ZNF251: variants seen among roughly 807,000 people sequenced by gnomAD.
The protein encoded by ZNF251 is zinc finger protein 251.
Under a neutral mutation model 13.5 loss-of-function variants are expected in ZNF251, and 14 were observed. The observed-to-expected ratio is 1.04, with a 90% CI of 0.69 to 1.63. ZNF251 has a LOEUF of 1.63. ZNF251 is among the 40% of genes most tolerant of loss of function. ZNF251 has a pLI of 0.00. For missense variants in ZNF251, 764 were observed against 834.9 expected (o/e 0.92, Z 1.05); for synonymous variants, 287 against 295.2 (o/e 0.97, Z 0.28).
intron 4 of ZNF251, among the ~76,000 whole-genome samples, chr8:144,749,870 C>A (rs998100179): frequency 3.7e-5 from 5 of 134,584 alleles, no homozygotes; most frequent in Non-Finnish European, 7.6e-5. Context: ...ATTTCTTTTT[C>A]TTTTCTTTTT....
At chr8:144,752,589 G>C (rs1824748475) in intron 4 of ZNF251, among the ~76,000 whole-genome samples, 1 of 152,190 alleles carries the variant, frequency 6.6e-6, no homozygotes, top group Admixed American at 6.5e-5. Flanking sequence ...CTTACATGTA[G>C]AAACCAAATG....
At chr8:144,754,373 G>A in intron 2 of ZNF251, 52 bp from the exon 3 acceptor site, 1 of 1,522,080 alleles carries the variant, frequency 6.6e-7, no homozygotes, top group Non-Finnish European at 8.8e-7. Context: ...GCAGCAGCCT[G>A]CACTAAAAGG....
At chr8:144,748,583 T>C (rs528235791) in intron 4 of ZNF251, among the ~76,000 whole-genome samples, 1 of 152,090 alleles carries the variant, frequency 6.6e-6, no homozygotes, top group East Asian at 1.9e-4. Context: ...TTCTTTGCAA[T>C]GGGGTCTTGC....
chr8:144,743,255 A>T (rs1027977925), intron 4 of ZNF251, among the ~76,000 whole-genome samples: 1 of 151,968 alleles, frequency 6.6e-6, no homozygotes, highest in Non-Finnish European at 1.5e-5. Context: ...GTAGAGACAG[A>T]GTTTCATCAT....
chr8:144,744,526 T>C (rs1255124280), intron 4 of ZNF251, among the ~76,000 whole-genome samples: 2 of 152,182 alleles, frequency 1.3e-5, no homozygotes, highest in African/African-American at 2.4e-5. Flanking sequence ...GAAGCCTCAA[T>C]GTGATGACGT....
At chr8:144,731,519 T>TCC (rs1823693496) in intron 4 of ZNF251, among the ~76,000 whole-genome samples, 1 of 152,242 alleles carries the variant, frequency 6.6e-6, no homozygotes, top group Non-Finnish European at 1.5e-5. Flanking sequence ...AACACTGATC[T>TCC]CCAATTAATG....
At chr8:144,754,635 T>C (rs1824868966) in intron 2 of ZNF251, 61 bp downstream of exon 2, 2 of 1,556,682 alleles carry the variant, frequency 1.3e-6, no homozygotes, top group African/African-American at 2.7e-5. Context: ...CAGAGGAGAG[T>C]AGCTTCTGAC....
intron 4 of ZNF251, among the ~76,000 whole-genome samples, chr8:144,726,777 G>A (rs1027062208): frequency 1.3e-5 from 2 of 152,102 alleles, no homozygotes; most frequent in Non-Finnish European, 2.9e-5. Context: ...GGCTGAGGCA[G>A]GAGAATGGCG....
rs1563773975 is a variant in ZNF251 at position 144,754,245 on chromosome 8, C to G, written c.110G>C (p.Arg37Pro). 6.2e-7 allele frequency: 1 copy of G among 1,613,996 alleles called. No individual in the cohort carries two copies. The highest frequency in any genetic ancestry group is 8.5e-7 in the Non-Finnish European group (1 of 1,179,954). The change falls in exon 3 of 5, where the codon CGG becomes CCG. Residue 37 changes from arginine (R) to proline (P), a missense_variant. Transcript: ENST00000292562. ...CAGCATCACATCCCGGTAGAGCGCC[C>G]GCTGCTGGGGGCCCAGCTGCCGCCC... is the stretch of plus-strand genomic sequence containing the variant. ...AEGRQLGPQQ[R>P]ALYRDVMLEN...
chr8:144,753,917 G>A (rs1824826636), intron 3 of ZNF251, 121 bp from the exon 4 acceptor site: 3 of 819,696 alleles, frequency 3.7e-6, no homozygotes, highest in Admixed American at 2.9e-5. Flanking sequence ...CAGGGGGCCC[G>A]TGGGCTGAGA....
At position 144,751,568 on chromosome 8, in the gene ZNF251, A is replaced by T. The variant is rs759042085; in HGVS notation, c.277+2115T>A. 1.2e-3 allele frequency among the ~76,000 whole-genome samples: 183 copies of T among 152,222 alleles called. 3 individuals are homozygous for T. Among genetic ancestry groups the T allele is most frequent in the Admixed American group, 7.9e-4 (12 of 15,282 alleles). On this transcript the variant is annotated intron_variant, in intron 4 of 4. Transcript: ENST00000292562. ...CTGTAAAAAATAATGCAAAAAGATT[A>T]TGTAAAAAGCAAATAATAAAATTTA... is the stretch of plus-strand genomic sequence containing the variant.
At chr8:144,753,867 G>T in intron 3 of ZNF251, 71 bp from the exon 4 acceptor site, 1 of 1,204,140 alleles carries the variant, frequency 8.3e-7, no homozygotes, top group Non-Finnish European at 1.2e-6. Context: ...TGGAGAGATG[G>T]GCCCTGTGTG....
chr8:144,724,505 C>A lies in ZNF251; in HGVS notation c.278-1123G>T, dbSNP rs117371815. ...GCCACTGTGCCTAGCCAAAATATAA[C>A]TTTTTTAAAAAGCTGACAATATGTA... is the stretch of plus-strand genomic sequence containing the variant. On this transcript the variant is annotated intron_variant, in intron 4 of 4. Transcript: ENST00000292562. 1.7e-4 allele frequency among the ~76,000 whole-genome samples: 26 copies of A among 152,016 alleles called. No individual in the cohort carries two copies. In the East Asian group the frequency reaches 4.9e-3, roughly 28 times the overall value.
intron 4 of ZNF251, among the ~76,000 whole-genome samples, chr8:144,732,621 GCCAA>G (rs1563758772): frequency 2.0e-5 from 3 of 151,332 alleles, no homozygotes; most frequent in African/African-American, 4.8e-5. Context: ...GACCATCCTG[GCCAA>G]CACGGTGAAA....
chr8:144,744,461 T>C (rs1306116902), intron 4 of ZNF251, among the ~76,000 whole-genome samples: 1 of 152,230 alleles, frequency 6.6e-6, no homozygotes, highest in Non-Finnish European at 1.5e-5. Context: ...TTTAGATGTA[T>C]GATCCATTTT....
At position 144,721,486 on chromosome 8, in the gene ZNF251, T is replaced by G; in HGVS notation, c.*158A>C. ...CCTGATTTCCCAGAATGAATTCTCGTGTTTACTTCCAGATTTAATGACTTT... is the reference window on the plus strand; with the variant it reads ...CCTGATTTCCCAGAATGAATTCTCGGGTTTACTTCCAGATTTAATGACTTT... On this transcript the variant is annotated 3_prime_UTR_variant, in exon 5 of 5. Transcript: ENST00000292562. The G allele has an allele frequency of 6.9e-6, 5 of 727,488 alleles. No individual in the cohort carries two copies. Among genetic ancestry groups the G allele is most frequent in the Non-Finnish European group, 9.5e-6 (5 of 525,286 alleles). 45.1% of individuals were successfully genotyped at this position (727,488 alleles called of 1,614,324 possible).
At chr8:144,754,169 A>T (rs375936028) in intron 3 of ZNF251, 23 bp downstream of exon 3, 1 of 1,602,788 alleles carries the variant, frequency 6.2e-7, no homozygotes, top group African/African-American at 1.3e-5. Flanking sequence ...ACTGCGAACC[A>T]GGCCAAGTGC....
intron 4 of ZNF251, among the ~76,000 whole-genome samples, chr8:144,737,550 T>C (rs141687774): frequency 3.9e-3 from 594 of 150,646 alleles, no homozygotes; most frequent in African/African-American, 0.013. Flanking sequence ...GCTACGAGGC[T>C]GGGCGCAGTG....
rs1319546102 is a variant in ZNF251, at chr8:144,753,710, G to C, written c.250C>G (p.Pro84Ala). ...TTCTGGCAGCTTTTCAAGATATCTG[G>C]TTCCTCAGCTCCCAGAAGATTCAGG... Reference protein sequence around the residue: ...WVLNLLGAEEPDILKSCQKDS... With the variant: ...WVLNLLGAEEADILKSCQKDS... The change falls in exon 4 of 5, where the codon CCA becomes GCA. Residue 84 changes from proline (P) to alanine (A), a missense_variant. Pro to Ala is a conservative substitution (Grantham distance 27). Coordinates refer to ENST00000292562, the MANE Select transcript of ZNF251 (RefSeq NM_138367.2). The C allele has an allele frequency of 1.3e-6, 2 of 1,592,588 alleles. No homozygotes were observed. Among genetic ancestry groups the C allele is most frequent in the African/African-American group, 2.7e-5 (2 of 74,578 alleles).
Sources: allele counts gnomAD v4.1 joint callset (sites outside exome capture counted in the v4.1 genomes callset), GRCh38; gene constraint gnomAD v4.1.1; transcripts MANE v1.5; gene names NCBI Gene and HGNC (gene_info 2026-07-23, HGNC 2026-07-21).